Variants in NLRP3 observed in about 807,000 individuals in gnomAD.
NLRP3 encodes the protein NLR family pyrin domain containing 3, also known as NACHT, LRR and PYD domains-containing protein 3.
In NLRP3, 48 loss-of-function variants were observed where a neutral mutation model predicts 91.3. The observed-to-expected ratio is 0.53, with a 90% CI of 0.42 to 0.67. NLRP3 has a LOEUF of 0.67. NLRP3 is among the 30% of genes least tolerant of loss of function. NLRP3 has a pLI of 0.00. For synonymous variants in NLRP3, 561 were observed against 507.9 expected (o/e 1.10, Z -1.41); for missense variants, 982 against 1,276.9 (o/e 0.77, Z 3.52).
chr1:247,421,568 A>G (rs1290870609), intron 2 of NLRP3, among the ~76,000 whole-genome samples: 1 of 152,218 alleles, frequency 6.6e-6, no homozygotes, highest in Admixed American at 6.5e-5. Context: ...TATGGATTTT[A>G]TGGCACATTC....
chr1:247,418,462 C>T lies in NLRP3; in HGVS notation c.-339C>T, dbSNP rs201966092. 3.2e-5 allele frequency: 11 copies of T among 343,436 alleles called. No individual in the cohort carries two copies. The East Asian group carries it at 3.9e-4, about 12-fold the overall frequency. The allele number at this position is 343,436 out of a possible 1,614,324, so 21.3% of individuals were successfully genotyped here. Reference sequence around the variant, plus strand: ...GATTACAGGCGCCCGCCACCACACCCGGCTCATTTTTGTACTTTTAGTAGA... The same window carrying T: ...GATTACAGGCGCCCGCCACCACACCTGGCTCATTTTTGTACTTTTAGTAGA... On this transcript the variant is annotated 5_prime_UTR_variant, in exon 2 of 10. Transcript: ENST00000336119.
At chr1:247,419,608 A>G (rs1297267386) in intron 2 of NLRP3, among the ~76,000 whole-genome samples, 1 of 152,210 alleles carries the variant, frequency 6.6e-6, no homozygotes, top group Non-Finnish European at 1.5e-5. Context: ...GGTAACCACC[A>G]TTCTATTTGC....
chr1:247,431,202 A>G (rs186153969), intron 5 of NLRP3, among the ~76,000 whole-genome samples: 11 of 151,948 alleles, frequency 7.2e-5, no homozygotes, highest in African/African-American at 2.7e-4. Flanking sequence ...AATAATAATA[A>G]TAATAATAAA....
At chr1:247,441,440 A>G (rs898111796) in intron 7 of NLRP3, among the ~76,000 whole-genome samples, 5 of 152,038 alleles carry the variant, frequency 3.3e-5, no homozygotes, top group African/African-American at 1.2e-4. Flanking sequence ...TTATGTAGAG[A>G]CAGGGTCTTG....
At chr1:247,443,607 C>T (rs781479088) in intron 7 of NLRP3, among the ~76,000 whole-genome samples, 6 of 148,140 alleles carry the variant, frequency 4.1e-5, no homozygotes, top group Admixed American at 2.7e-4. Context: ...TGCAGTGTTA[C>T]GGGGATTATT....
intron 9 of NLRP3, among the ~76,000 whole-genome samples, chr1:247,448,070 T>C (rs1240748023): frequency 3.9e-5 from 6 of 152,024 alleles, no homozygotes; most frequent in South Asian, 2.1e-4. Context: ...TCCTCTGTCA[T>C]TGGAGGTGCT....
rs1662742906 is a variant in NLRP3, at chr1:247,424,801, C to G, written c.1352C>G (p.Pro451Arg). Reference protein sequence around the residue: ...YVFFLSSLLQPRGGSQEHGLC... With the variant: ...YVFFLSSLLQRRGGSQEHGLC... ...TTCTTCCTTTCCAGTTTGCTGCAGCCCCGGGGAGGGAGCCAGGAGCACGGC... is the reference window on the plus strand; with the variant it reads ...TTCTTCCTTTCCAGTTTGCTGCAGCGCCGGGGAGGGAGCCAGGAGCACGGC... Residue 451 changes from proline (P) to arginine (R), a missense_variant, in exon 4 of 10, where the codon CCC (proline) becomes CGC (arginine). Physicochemically the swap from Pro to Arg is moderately radical, Grantham distance 103. Transcript: ENST00000336119. This position sits in a 1 kb window ranked among gnomAD's most constrained non-coding sequence, Gnocchi z 8.1. 6.2e-7 allele frequency: 1 copy of G among 1,609,388 alleles called. No individual in the cohort carries two copies. The highest frequency in any genetic ancestry group is 1.1e-5 in the South Asian group (1 of 91,086).
chr1:247,431,691 C>A (rs76293075), intron 5 of NLRP3, among the ~76,000 whole-genome samples: 1 of 152,224 alleles, frequency 6.6e-6, no homozygotes, highest in African/African-American at 2.4e-5. Context: ...GCCTTTTTCC[C>A]TCACCCGACC....
intron 7 of NLRP3, among the ~76,000 whole-genome samples, chr1:247,438,378 G>T (rs1387739830): frequency 2.1e-4 from 15 of 71,928 alleles, no homozygotes; most frequent in African/African-American, 7.4e-4. Context: ...GTTTAGTTGT[G>T]TTTTTTTTTT....
chr1:247,424,196 C>T lies in NLRP3; in HGVS notation c.747C>T (p.Asp249=), dbSNP rs767586028. 2 of 1,614,100 alleles carry T rather than the reference C, an allele frequency of 1.2e-6. No homozygotes were observed. Among genetic ancestry groups the T allele is most frequent in the Admixed American group, 3.3e-5 (2 of 60,012 alleles). ...GGGCGTCGGGGACACTCTACCAAGA[C>T]AGGTTTGACTATCTGTTCTATATCC... ...LDWASGTLYQ[D]RFDYLFYIHC... is the part of the protein sequence containing the mutation. The change falls in exon 4 of 10, where the codon GAC becomes GAT. Residue 249 remains aspartate (D), a synonymous_variant. Transcript: ENST00000336119. This position sits in a 1 kb window ranked among gnomAD's most constrained non-coding sequence, Gnocchi z 8.1.
At position 247,426,728 on chromosome 1, in the gene NLRP3, G is replaced by C. The variant is rs374427902; in HGVS notation, c.2150+1129G>C. ...GTCCGGAAACAAGTGCAGATGTCGGGGAGGGGGTCATGGGCTCTGACAAGG... is the reference window on the plus strand; with the variant it reads ...GTCCGGAAACAAGTGCAGATGTCGGCGAGGGGGTCATGGGCTCTGACAAGG... On this transcript the variant is annotated intron_variant, in intron 4 of 9. Coordinates refer to ENST00000336119, the MANE Select transcript of NLRP3 (RefSeq NM_001243133.2). Among the ~76,000 whole-genome samples the C allele has an allele frequency of 8.5e-5, 13 of 152,198 alleles. No homozygotes were observed. The East Asian group carries it at 1.7e-3, about 20-fold the overall frequency.
chr1:247,433,583 C>A (rs1480537172), intron 5 of NLRP3, among the ~76,000 whole-genome samples: 1 of 152,212 alleles, frequency 6.6e-6, no homozygotes, highest in East Asian at 1.9e-4. Flanking sequence ...GTGCTGTATT[C>A]CGGAGCTCTC....
chr1:247,433,425 C>T (rs376322293), intron 5 of NLRP3, among the ~76,000 whole-genome samples: 29 of 152,264 alleles, frequency 1.9e-4, no homozygotes, highest in African/African-American at 5.5e-4. Context: ...CCACACCGCC[C>T]GCTTCACTTA....
At position 247,429,676 on chromosome 1, in the gene NLRP3, G is replaced by A; in HGVS notation, c.2242G>A (p.Asp748Asn). 1 of 1,614,116 alleles carries A rather than the reference G, an allele frequency of 6.2e-7. No individual in the cohort carries two copies. Among genetic ancestry groups the A allele is most frequent in the Non-Finnish European group, 8.5e-7 (1 of 1,180,008 alleles). Residue 748 changes from aspartate (D) to asparagine (N), a missense_variant, in exon 5 of 10, where the codon GAC becomes AAC. By Grantham distance (23) the Asp-to-Asn change is conservative (BLOSUM62 1). Around this residue, in one of 5 missense-constraint regions of NLRP3, gnomAD observed 373 missense variants for 431.5 expected, o/e 0.86. Coordinates refer to ENST00000336119, the MANE Select transcript of NLRP3 (RefSeq NM_001243133.2). ...SQSLTELDLS[D>N]NSLGDPGMRV... ...GAGTCTAACTGAATTGGACCTCAGTGACAATTCTCTGGGGGACCCAGGGAT... is the reference window on the plus strand; with the variant it reads ...GAGTCTAACTGAATTGGACCTCAGTAACAATTCTCTGGGGGACCCAGGGAT...
Position 247,424,008 on chromosome 1 carries a change from G to A in NLRP3, c.559G>A (p.Ala187Thr). The change falls in exon 4 of 10, where the codon GCC becomes ACC. Residue 187 changes from alanine to threonine, a missense_variant. Ala to Thr is a moderately conservative substitution (Grantham distance 58). This residue lies in a region of NLRP3 where 548 missense variants were observed against 713.7 expected (regional missense o/e 0.77). Coordinates refer to ENST00000336119, the MANE Select transcript of NLRP3 (RefSeq NM_001243133.2). The surrounding 1 kb of genome is among the most constrained non-coding windows in gnomAD (Gnocchi z 8.1). Reference protein sequence around the residue: ...SQQEREQELLAIGKTKTCESP... With the variant: ...SQQEREQELLTIGKTKTCESP... ...GCAGGAGAGGGAGCAGGAGCTTCTG[G>A]CCATCGGCAAGACCAAGACGTGTGA... 6.2e-7 allele frequency: 1 copy of A among 1,613,972 alleles called. No homozygotes were observed.
chr1:247,448,504 G>A lies in NLRP3; in HGVS notation c.3105G>A (p.Ter1035=). ...CCGTCGTCTTTGAGCCTTCTTGGTA[G>A]GAGTGGAAACGGGGCTGCCAGACGC... ...ELTVVFEPSW[*] is the part of the protein sequence containing the mutation. Residue 1035 remains the stop codon, a stop_retained_variant, in exon 10 of 10, where the codon TAG becomes TAA. Coordinates refer to ENST00000336119, the MANE Select transcript of NLRP3 (RefSeq NM_001243133.2). 6.2e-7 allele frequency: 1 copy of A among 1,604,480 alleles called. No homozygotes were observed. Among genetic ancestry groups the A allele is most frequent in the Non-Finnish European group, 8.5e-7 (1 of 1,171,194 alleles).
chr1:247,437,512 G>A (rs1380192431), intron 7 of NLRP3, among the ~76,000 whole-genome samples: 1 of 152,096 alleles, frequency 6.6e-6, no homozygotes, highest in Non-Finnish European at 1.5e-5. Context: ...TCGCCTTAGG[G>A]TATTACCCTT....
Position 247,419,247 on chromosome 1 carries a change from C to T in NLRP3, c.277+170C>T, listed in dbSNP as rs186723401. Among the ~76,000 whole-genome samples, 446 of 151,786 alleles carry T rather than the reference C, an allele frequency of 2.9e-3. 2 individuals are homozygous for T. Among genetic ancestry groups the T allele is most frequent in the African/African-American group, 7.3e-3 (303 of 41,380 alleles). ...TTGGCTCACTGCAACCTCCACCTCC[C>T]GGGTTCAAGCGATTTTCCTGCCTCA... On this transcript the variant is annotated intron_variant, in intron 2 of 9. Coordinates refer to ENST00000336119, the MANE Select transcript of NLRP3 (RefSeq NM_001243133.2).
intron 2 of NLRP3, among the ~76,000 whole-genome samples, chr1:247,422,646 A>G (rs747918347): frequency 6.6e-6 from 1 of 152,200 alleles, no homozygotes; most frequent in Non-Finnish European, 1.5e-5. Flanking sequence ...CTGGGCGTGC[A>G]GTCCTGAAGT....
Sources: allele counts gnomAD v4.1 joint callset (sites outside exome capture counted in the v4.1 genomes callset), GRCh38; gene constraint gnomAD v4.1.1; regional missense constraint gnomAD v4.1.1; non-coding constraint Gnocchi (gnomAD v3.1); transcripts MANE v1.5; gene names NCBI Gene and HGNC (gene_info 2026-07-23, HGNC 2026-07-21).